Variants in CSMD1 observed in about 807,000 individuals in gnomAD.
CSMD1 encodes the protein CUB and Sushi multiple domains 1, also known as CUB and sushi domain-containing protein 1.
A neutral mutation model predicts 417.5 loss-of-function variants in CSMD1; 213 were observed. That is an observed-to-expected ratio of 0.51 (90% CI 0.46 to 0.57). CSMD1 has a LOEUF of 0.57. Ranked by LOEUF, CSMD1 falls within the 20% of genes least tolerant of loss-of-function variation. The pLI, the probability that CSMD1 is intolerant of heterozygous loss-of-function variation, is 0.00. For synonymous variants in CSMD1, 2,862 were observed against 1,736.8 expected, an observed-to-expected ratio of 1.65 and a Z score of -16.11; for missense variants, 6,923 against 4,529.7, an observed-to-expected ratio of 1.53 and a Z score of -15.17.
In CSMD1 at chr8:3,579,656, C is replaced by G. The variant is rs112012762; in HGVS notation, c.1223-4590G>C. Among the ~76,000 whole-genome samples, 484 of 152,244 alleles carry G rather than the reference C, an allele frequency of 3.2e-3. 4 individuals are homozygous for G. The highest frequency in any genetic ancestry group is 0.011 in the African/African-American group (465 of 41,546). On this transcript the variant is annotated intron_variant, in intron 9 of 69. Transcript: ENST00000635120. ...TTCCTTTCCTTCACCACACCTGGTT[C>G]CAGGCCTGGCTTAGGTAGTCAGTAG...
chr8:4,471,774 A>G (rs545570427), intron 2 of CSMD1, among the ~76,000 whole-genome samples: 3 of 152,122 alleles, frequency 2.0e-5, no homozygotes, highest in Non-Finnish European at 2.9e-5. Flanking sequence ...GTCACAAAGG[A>G]GACTGAGGAG....
At chr8:4,104,470 G>A (rs1329224871) in intron 3 of CSMD1, among the ~76,000 whole-genome samples, 51 of 152,136 alleles carry the variant, frequency 3.4e-4, no homozygotes, top group Admixed American at 3.3e-3. Flanking sequence ...TGCACTGAAT[G>A]TATTTGACTC....
chr8:3,766,588 A>G (rs1798282819), intron 5 of CSMD1, among the ~76,000 whole-genome samples: 2 of 152,190 alleles, frequency 1.3e-5, no homozygotes, highest in African/African-American at 4.8e-5. Context: ...ACTATCAAAA[A>G]AGGCAGTGTC....
At chr8:4,464,388 C>G (rs1045502859) in intron 2 of CSMD1, among the ~76,000 whole-genome samples, 2 of 152,170 alleles carry the variant, frequency 1.3e-5, no homozygotes, top group East Asian at 3.9e-4. Flanking sequence ...ATTTAATATA[C>G]CTAACCTGCA....
In CSMD1 at chr8:3,343,283, A is replaced by G. The variant is rs368001962; in HGVS notation, c.3631+11T>C. ...TGAAAAAAGAACGTGATTAAGTCGT[A>G]TGTTACTTACTGGTATAGGTGAGTT... is the stretch of plus-strand genomic sequence containing the variant. On this transcript the variant is annotated intron_variant, in intron 23 of 69. Coordinates refer to ENST00000635120, the MANE Select transcript of CSMD1 (RefSeq NM_033225.6). The G allele has an allele frequency of 6.8e-6, 11 of 1,610,408 alleles. No homozygotes were observed. Among genetic ancestry groups the G allele is most frequent in the African/African-American group, 4.0e-5 (3 of 74,838 alleles).
intron 5 of CSMD1, among the ~76,000 whole-genome samples, chr8:3,896,430 C>G (rs1019164692): frequency 6.6e-6 from 1 of 152,148 alleles, no homozygotes; most frequent in Non-Finnish European, 1.5e-5. Context: ...CATGTAATGT[C>G]TCCAAAACGT....
At chr8:4,226,772 G>GA (rs1004823628) in intron 3 of CSMD1, among the ~76,000 whole-genome samples, 2 of 152,062 alleles carry the variant, frequency 1.3e-5, no homozygotes, top group Non-Finnish European at 2.9e-5. Context: ...TTGAATTTAA[G>GA]AAAAAAACAA....
In CSMD1 at chr8:2,937,861, A is replaced by T. The variant is rs1801599915; in HGVS notation, c.*724T>A. On this transcript the variant is annotated 3_prime_UTR_variant, in exon 70 of 70. Coordinates refer to ENST00000635120, the MANE Select transcript of CSMD1 (RefSeq NM_033225.6). ...GAAATAATGCTTATATACAATGGAT[A>T]GTGTGTATAAACCCTGTGTAAATAA... is the stretch of plus-strand genomic sequence containing the variant. The T allele has an allele frequency of 1.3e-5, 2 of 152,014 alleles. No homozygotes were observed. Among genetic ancestry groups the T allele is most frequent in the African/African-American group, 4.8e-5 (2 of 41,290 alleles). 9.4% of individuals were successfully genotyped at this position (152,014 alleles called of 1,614,324 possible). A position where few individuals can be genotyped will look rare whatever the true frequency, so the allele number is the denominator to read the frequency against.
chr8:3,967,420 T>C (rs1304174087), intron 5 of CSMD1, among the ~76,000 whole-genome samples: 1 of 151,266 alleles, frequency 6.6e-6, no homozygotes, highest in Admixed American at 6.6e-5. Flanking sequence ...TATCACCTGA[T>C]GCTTTCAAAG....
intron 1 of CSMD1, among the ~76,000 whole-genome samples, chr8:4,951,237 T>C (rs1808725651): frequency 6.6e-6 from 1 of 152,120 alleles, no homozygotes; most frequent in African/African-American, 2.4e-5. Flanking sequence ...AAAGAAACTG[T>C]CTCTTTCCTG....
chr8:4,469,107 T>G (rs1170620263), intron 2 of CSMD1, among the ~76,000 whole-genome samples: 2 of 152,198 alleles, frequency 1.3e-5, no homozygotes, highest in African/African-American at 4.8e-5. Flanking sequence ...AAGAGTTTGG[T>G]GTGGCCTCCC....
chr8:4,958,987 T>G (rs993479863), intron 1 of CSMD1, among the ~76,000 whole-genome samples: 3 of 152,162 alleles, frequency 2.0e-5, no homozygotes, highest in Non-Finnish European at 4.4e-5. Flanking sequence ...ACAAGAAACG[T>G]GAAAACTTAA....
intron 2 of CSMD1, among the ~76,000 whole-genome samples, chr8:4,463,369 C>T (rs766221807): frequency 6.6e-6 from 1 of 152,166 alleles, no homozygotes; most frequent in Non-Finnish European, 1.5e-5. Flanking sequence ...TTGTAAAATA[C>T]TCCGGAAGTT....
chr8:4,355,114 T>A lies in CSMD1; in HGVS notation c.415+64839A>T, dbSNP rs1191999578. ...CGTCTCTACTAAAAAGACAAAAAATTAGCCGGGCGTGGTGGCGGGCGCCTG... is the reference window on the plus strand; with the variant it reads ...CGTCTCTACTAAAAAGACAAAAAATAAGCCGGGCGTGGTGGCGGGCGCCTG... On this transcript the variant is annotated intron_variant, in intron 3 of 69. Transcript: ENST00000635120. Among the ~76,000 whole-genome samples, 4 of 151,640 alleles carry A rather than the reference T, an allele frequency of 2.6e-5. 1 individual carries two copies. The highest frequency in any genetic ancestry group is 9.7e-5 in the African/African-American group (4 of 41,260).
intron 2 of CSMD1, among the ~76,000 whole-genome samples, chr8:4,476,843 G>A (rs552801816): frequency 4.1e-4 from 63 of 152,220 alleles, no homozygotes; most frequent in Non-Finnish European, 7.6e-4. Flanking sequence ...GATTCCTTAC[G>A]AAAAAAGCTT....
chr8:4,453,828 T>TTG (rs1799303910), intron 2 of CSMD1, among the ~76,000 whole-genome samples: 1 of 134,002 alleles, frequency 7.5e-6, no homozygotes, highest in African/African-American at 2.8e-5. Flanking sequence ...TTTTTTTTTT[T>TTG]TTTTTTTTTT....
intron 2 of CSMD1, among the ~76,000 whole-genome samples, chr8:4,635,186 C>G (rs2616999): frequency 0.72 from 109,749 of 151,960 alleles, 39,950 homozygotes; most frequent in Admixed American, 0.81. Context: ...CTGTACTAAA[C>G]ATAACCCAGC....
Position 2,992,999 on chromosome 8 carries a change from C to G in CSMD1, c.8377+5012G>C, listed in dbSNP as rs151233286. On this transcript the variant is annotated intron_variant, in intron 54 of 69. Transcript: ENST00000635120. ...CTCCCTGCCTCAGCCTCCCAAAGTG[C>G]TGGGACTAAAAGCATGAGTCACTAT... Among the ~76,000 whole-genome samples, 751 of 152,282 alleles carry G rather than the reference C, an allele frequency of 4.9e-3. 5 individuals carry two copies. Among genetic ancestry groups the G allele is most frequent in the African/African-American group, 0.017 (720 of 41,554 alleles).
intron 4 of CSMD1, among the ~76,000 whole-genome samples, chr8:4,020,706 G>A (rs191676505): frequency 9.9e-5 from 15 of 152,270 alleles, no homozygotes; most frequent in South Asian, 4.1e-4. Context: ...CAGCGAATCC[G>A]CGTGTTCCTC....
Sources: allele counts gnomAD v4.1 joint callset (sites outside exome capture counted in the v4.1 genomes callset), GRCh38; gene constraint gnomAD v4.1.1; transcripts MANE v1.5; gene names NCBI Gene and HGNC (gene_info 2026-07-23, HGNC 2026-07-21).